Variants in PCDH7 observed in about 807,000 individuals in gnomAD.
PCDH7 encodes the protein protocadherin-7.
PCDH7 carries 17 observed loss-of-function variants against 58.9 expected under a neutral mutation model. The ratio of observed to expected loss-of-function variants is 0.29; its 90% CI spans 0.20 to 0.43. The LOEUF is 0.43. Ranked by LOEUF, PCDH7 falls within the 20% of genes least tolerant of loss-of-function variation. PCDH7 has a pLI of 1.00. For synonymous variants in PCDH7, 664 were observed against 616.4 expected, an observed-to-expected ratio of 1.08 and a Z score of -1.14; for missense variants, 1,274 against 1,441.0, an observed-to-expected ratio of 0.88 and a Z score of 1.88.
In PCDH7 at chr4:31,132,198, AC is replaced by A. The variant is rs541901963; in HGVS notation, c.*8-10274del. On this transcript the variant is annotated intron_variant, in intron 3 of 3. Coordinates refer to the PCDH7 transcript ENST00000509759. ...TTGCAGAGGCTATTTCTTCTCATTT[AC>A]TTTTAGAAATGCTTTATCATGGTTT... Among the ~76,000 whole-genome samples the A allele has an allele frequency of 1.6e-3, 248 of 152,278 alleles. 2 individuals carry two copies. Among genetic ancestry groups the A allele is most frequent in the African/African-American group, 5.7e-3 (236 of 41,574 alleles).
chr4:30,746,875 A>G (rs1717846363), intron 1 of PCDH7, among the ~76,000 whole-genome samples: 1 of 152,024 alleles, frequency 6.6e-6, no homozygotes, highest in Non-Finnish European at 1.5e-5. Flanking sequence ...AATCTAGAAA[A>G]CCATAAATAG....
intron 3 of PCDH7, among the ~76,000 whole-genome samples, chr4:31,072,345 A>G (rs1190304361): frequency 6.6e-6 from 1 of 152,146 alleles, no homozygotes; most frequent in East Asian, 1.9e-4. Flanking sequence ...ATAAGATCAT[A>G]TATGTCTCAC....
intron 1 of PCDH7, among the ~76,000 whole-genome samples, chr4:30,844,223 C>T (rs1466462700): frequency 1.3e-5 from 2 of 152,164 alleles, no homozygotes; most frequent in Admixed American, 1.3e-4. Context: ...AGGAAGTAAG[C>T]ATCAACAATA....
intron 1 of PCDH7, among the ~76,000 whole-genome samples, chr4:30,823,696 T>C (rs1256971935): frequency 6.6e-6 from 1 of 152,110 alleles, no homozygotes; most frequent in African/African-American, 2.4e-5. Context: ...TACTATTAGA[T>C]TGATAATATC....
intron 3 of PCDH7, among the ~76,000 whole-genome samples, chr4:31,137,477 AG>A (rs1351220890): frequency 6.6e-6 from 1 of 152,138 alleles, no homozygotes; most frequent in African/African-American, 2.4e-5. Context: ...CCAGCTACTC[AG>A]GAGGCTGAGA....
intron 3 of PCDH7, among the ~76,000 whole-genome samples, chr4:31,073,613 A>G (rs1181974106): frequency 1.3e-5 from 2 of 152,220 alleles, no homozygotes; most frequent in Admixed American, 6.5e-5. Flanking sequence ...TAATATCAAA[A>G]GAAGCATATA....
At chr4:30,996,664 G>A (rs1187358997) in intron 3 of PCDH7, among the ~76,000 whole-genome samples, 4 of 152,148 alleles carry the variant, frequency 2.6e-5, no homozygotes, top group African/African-American at 9.7e-5. Context: ...AGACACTGGG[G>A]AAACTTGGTT....
rs139637399 is a variant in PCDH7, at chr4:30,907,750, G to A, written c.71-12403G>A. Among the ~76,000 whole-genome samples the A allele has an allele frequency of 3.6e-3, 543 of 152,220 alleles. 2 individuals carry two copies. Among genetic ancestry groups the A allele is most frequent in the African/African-American group, 0.013 (520 of 41,550 alleles). On this transcript the variant is annotated intron_variant, in intron 1 of 3. Coordinates refer to the PCDH7 transcript ENST00000509759. ...TTTGACACAGCAATCCCATTATTGG[G>A]CATATACCCAAAGCATTATAAATCA... is the stretch of plus-strand genomic sequence containing the variant.
chr4:31,068,818 A>G (rs1425434127), intron 3 of PCDH7, among the ~76,000 whole-genome samples: 1 of 152,030 alleles, frequency 6.6e-6, no homozygotes, highest in Non-Finnish European at 1.5e-5. Flanking sequence ...TTCCAGGGAT[A>G]GATTATAAAT....
At position 30,878,467 on chromosome 4, in the gene PCDH7, A is replaced by G. The variant is rs1038853738; in HGVS notation, c.71-41686A>G. The stretch of plus-strand genomic sequence containing the variant: ...GTAGAATGAAGATTGAGGACAGCCA[A>G]TGGACCTTTCCGAAACTGAGGTTTT... On this transcript the variant is annotated intron_variant, in intron 1 of 3. Coordinates refer to the PCDH7 transcript ENST00000509759. Among the ~76,000 whole-genome samples the G allele has an allele frequency of 5.3e-5, 8 of 152,226 alleles. 1 individual carries two copies. Among genetic ancestry groups the G allele is most frequent in the Admixed American group, 5.2e-4 (8 of 15,266 alleles).
At chr4:31,066,989 A>G (rs1047816485) in intron 3 of PCDH7, among the ~76,000 whole-genome samples, 1 of 151,956 alleles carries the variant, frequency 6.6e-6, no homozygotes, top group Non-Finnish European at 1.5e-5. Context: ...AGAACCAGTT[A>G]CTGATCATGA....
intron 3 of PCDH7, among the ~76,000 whole-genome samples, chr4:31,130,506 A>G (rs1269213371): frequency 6.6e-6 from 1 of 152,230 alleles, no homozygotes; most frequent in Admixed American, 6.5e-5. Flanking sequence ...CCCTACTGCA[A>G]CCAGAGAATT....
intron 3 of PCDH7, among the ~76,000 whole-genome samples, chr4:31,042,231 A>G (rs982281353): frequency 6.6e-6 from 1 of 152,154 alleles, no homozygotes; most frequent in Non-Finnish European, 1.5e-5. Context: ...TTTCTAGATA[A>G]GATAGGAGGA....
chr4:31,105,955 C>T (rs915232086), intron 3 of PCDH7, among the ~76,000 whole-genome samples: 1 of 150,658 alleles, frequency 6.6e-6, no homozygotes, highest in Non-Finnish European at 1.5e-5. Flanking sequence ...TGCAGTGAGC[C>T]GTAATCGCGC....
chr4:30,911,928 A>G (rs1405695928), intron 1 of PCDH7, among the ~76,000 whole-genome samples: 1 of 152,186 alleles, frequency 6.6e-6, no homozygotes, highest in Non-Finnish European at 1.5e-5. Context: ...CAATAATTAA[A>G]TAGTTTGTAA....
At chr4:30,844,145 T>G (rs573423344) in intron 1 of PCDH7, among the ~76,000 whole-genome samples, 1 of 152,264 alleles carries the variant, frequency 6.6e-6, no homozygotes, top group African/African-American at 2.4e-5. Flanking sequence ...CTGTGGATGC[T>G]TCACAAGCAC....
chr4:30,813,292 G>A (rs936063355), intron 1 of PCDH7, among the ~76,000 whole-genome samples: 1 of 152,150 alleles, frequency 6.6e-6, no homozygotes, highest in African/African-American at 2.4e-5. Flanking sequence ...TTCAGGGGAG[G>A]CAGACAAAGG....
chr4:30,938,285 A>T (rs1745590777), intron 2 of PCDH7, among the ~76,000 whole-genome samples: 1 of 152,120 alleles, frequency 6.6e-6, no homozygotes, highest in Admixed American at 6.6e-5. Flanking sequence ...TCATTTAGCT[A>T]GTCTCCTTAT....
intron 3 of PCDH7, among the ~76,000 whole-genome samples, chr4:31,087,502 C>A (rs1712608196): frequency 6.6e-6 from 1 of 152,000 alleles, no homozygotes; most frequent in Non-Finnish European, 1.5e-5. Flanking sequence ...GGACCTGCAT[C>A]TTTTTTAGGG....
Sources: allele counts gnomAD v4.1 joint callset (sites outside exome capture counted in the v4.1 genomes callset), GRCh38; gene constraint gnomAD v4.1.1; transcripts MANE v1.5; gene names NCBI Gene and HGNC (gene_info 2026-07-23, HGNC 2026-07-21).